ZNF385D: variants seen among roughly 807,000 people sequenced by gnomAD.
ZNF385D encodes zinc finger protein 659.
Under a neutral mutation model 35.8 loss-of-function variants are expected in ZNF385D, and 15 were observed. That is an observed-to-expected ratio of 0.42 (90% CI 0.28 to 0.64). The LOEUF is 0.64. Ranked by LOEUF, ZNF385D falls within the 30% of genes least tolerant of loss-of-function variation. ZNF385D has a pLI of 0.23. For synonymous variants in ZNF385D, 212 were observed against 186.8 expected (o/e 1.13, Z -1.10); for missense variants, 474 against 494.6 (o/e 0.96, Z 0.39).
chr3:21,978,804 G>T (rs773711517), intron 3 of ZNF385D, among the ~76,000 whole-genome samples: 1 of 151,906 alleles, frequency 6.6e-6, no homozygotes, highest in Admixed American at 6.6e-5. Flanking sequence ...GCATGTTTAG[G>T]TGCTCAGCAT....
intron 2 of ZNF385D, among the ~76,000 whole-genome samples, chr3:22,181,570 C>A (rs978208160): frequency 1.3e-5 from 2 of 151,744 alleles, no homozygotes; most frequent in African/African-American, 4.8e-5. Context: ...CAGTGGCGGG[C>A]GCCTGTAGTC....
At chr3:21,771,955 G>A (rs879521150) in intron 3 of ZNF385D, among the ~76,000 whole-genome samples, 4 of 151,860 alleles carry the variant, frequency 2.6e-5, no homozygotes, top group Non-Finnish European at 5.9e-5. Context: ...TTTTGACAAG[G>A]GTGGTAAGAC....
chr3:22,234,800 T>A (rs1699085292), intron 2 of ZNF385D, among the ~76,000 whole-genome samples: 1 of 151,966 alleles, frequency 6.6e-6, no homozygotes, highest in African/African-American at 2.4e-5. Context: ...TATAATGGAG[T>A]ACCAAAATGG....
chr3:21,606,109 TGA>T (rs1559453775), intron 2 of ZNF385D, among the ~76,000 whole-genome samples: 1 of 152,168 alleles, frequency 6.6e-6, no homozygotes, highest in Non-Finnish European at 1.5e-5. Flanking sequence ...ACTGAGGGAC[TGA>T]GATGAGAGAA....
intron 3 of ZNF385D, among the ~76,000 whole-genome samples, chr3:21,811,425 A>G (rs2072917532): frequency 1.3e-5 from 2 of 152,192 alleles, no homozygotes; most frequent in Admixed American, 1.3e-4. Context: ...AAGAAAGTAG[A>G]AAGTTTTTCT....
intron 2 of ZNF385D, among the ~76,000 whole-genome samples, chr3:22,363,664 C>A (rs1237389045): frequency 6.6e-6 from 1 of 152,050 alleles, no homozygotes; most frequent in African/African-American, 2.4e-5. Flanking sequence ...TGTTTAAAAA[C>A]TTATGGTTAA....
At chr3:21,469,684 A>G (rs1302625689) in intron 4 of ZNF385D, among the ~76,000 whole-genome samples, 2 of 152,188 alleles carry the variant, frequency 1.3e-5, no homozygotes, top group Non-Finnish European at 2.9e-5. Context: ...TGGAAACTCA[A>G]TTACTTAAAA....
chr3:22,155,551 A>G (rs761628079), intron 3 of ZNF385D, among the ~76,000 whole-genome samples: 1 of 152,066 alleles, frequency 6.6e-6, no homozygotes, highest in Non-Finnish European at 1.5e-5. Context: ...ATAAAATGAG[A>G]CTGACAGGAT....
chr3:22,108,399 A>C (rs1003308955), intron 3 of ZNF385D, among the ~76,000 whole-genome samples: 1 of 152,214 alleles, frequency 6.6e-6, no homozygotes, highest in East Asian at 1.9e-4. Context: ...TCAAAACACA[A>C]AACTTCCTTA....
chr3:21,593,583 G>T (rs1271868591), intron 2 of ZNF385D, among the ~76,000 whole-genome samples: 3 of 151,936 alleles, frequency 2.0e-5, no homozygotes, highest in Admixed American at 6.6e-5. Flanking sequence ...CTTTCTTTCT[G>T]AACACAATCC....
At chr3:22,036,188 G>A (rs562333397) in intron 3 of ZNF385D, among the ~76,000 whole-genome samples, 2 of 152,148 alleles carry the variant, frequency 1.3e-5, no homozygotes, top group African/African-American at 4.8e-5. Flanking sequence ...TCAGGTGAAA[G>A]GGAAAGGATT....
rs546993082 is a variant in ZNF385D at position 21,465,157 on chromosome 3, A to G, written c.440-27954T>C. ...TTTGTTAAATATTTCTTTGCACGTA[A>G]GTTTTCACTGTGCCCTTGAACACAG... On this transcript the variant is annotated intron_variant, in intron 4 of 7. Coordinates refer to ENST00000281523, the MANE Select transcript of ZNF385D (RefSeq NM_024697.3). The surrounding 1 kb of genome is among the most constrained non-coding windows in gnomAD (Gnocchi z 4.2). 2.4e-4 allele frequency among the ~76,000 whole-genome samples: 37 copies of G among 152,202 alleles called. No homozygotes were observed. Among genetic ancestry groups the G allele is most frequent in the African/African-American group, 8.9e-4 (37 of 41,530 alleles).
intron 3 of ZNF385D, among the ~76,000 whole-genome samples, chr3:21,832,279 TAC>T (rs1228291386): frequency 6.6e-6 from 1 of 152,198 alleles, no homozygotes; most frequent in Non-Finnish European, 1.5e-5. Flanking sequence ...CAACAAGTCT[TAC>T]AGAAAATAAG....
chr3:22,021,972 C>G (rs1384874997), intron 3 of ZNF385D, among the ~76,000 whole-genome samples: 2 of 152,056 alleles, frequency 1.3e-5, no homozygotes, highest in African/African-American at 4.8e-5. Flanking sequence ...ACTCACTCAA[C>G]TTCCATTTCC....
chr3:22,069,188 G>T (rs1422376935), intron 3 of ZNF385D, among the ~76,000 whole-genome samples: 1 of 152,122 alleles, frequency 6.6e-6, no homozygotes, highest in African/African-American at 2.4e-5. Context: ...GTTAGTACTG[G>T]CTACTCCCAG....
At chr3:22,275,228 A>G (rs1312933961) in intron 2 of ZNF385D, among the ~76,000 whole-genome samples, 1 of 152,244 alleles carries the variant, frequency 6.6e-6, no homozygotes, top group Middle Eastern at 3.4e-3. Flanking sequence ...ACCTGATTAG[A>G]AAACTAAAAA....
chr3:21,638,457 A>T (rs947947472), intron 2 of ZNF385D, among the ~76,000 whole-genome samples: 1 of 152,078 alleles, frequency 6.6e-6, no homozygotes, highest in African/African-American at 2.4e-5. Flanking sequence ...CTCAGCTGTG[A>T]TACAAACCCA....
chr3:22,164,517 A>G (rs551361494), intron 3 of ZNF385D, among the ~76,000 whole-genome samples: 544 of 151,568 alleles, frequency 3.6e-3, no homozygotes, highest in Non-Finnish European at 6.0e-3. Flanking sequence ...ATGAGCCACC[A>G]TACCCGGCCA....
chr3:22,184,797 C>T (rs894463588), intron 2 of ZNF385D, among the ~76,000 whole-genome samples: 5 of 152,088 alleles, frequency 3.3e-5, no homozygotes, highest in East Asian at 1.9e-4. Flanking sequence ...AGTGAAACTA[C>T]GTCTCAAACA....
Sources: gnomAD v4.1 joint callset for allele counts (sites outside exome capture counted in the v4.1 genomes callset) on GRCh38, gnomAD v4.1.1 for gene constraint, Gnocchi (gnomAD v3.1) non-coding constraint, MANE v1.5 for transcripts, NCBI Gene and HGNC (gene_info 2026-07-23, HGNC 2026-07-21) for gene names.